Variants in RAB27A observed in about 807,000 individuals in gnomAD.
The protein encoded by RAB27A is ras-related protein Rab-27A.
Under a neutral mutation model 20.8 loss-of-function variants are expected in RAB27A, and 17 were observed. That is an observed-to-expected ratio of 0.82 (90% CI 0.56 to 1.23). The LOEUF is 1.23. RAB27A is among the 50% of genes most tolerant of loss of function. The probability of loss-of-function intolerance (pLI) is 0.00; values close to 1 mark genes in which losing one functional copy is unlikely to be tolerated. For synonymous variants in RAB27A, 85 were observed against 92.8 expected (o/e 0.92, Z 0.48); for missense variants, 277 against 266.7 (o/e 1.04, Z -0.27).
chr15:55,215,157 T>A (rs948099648), intron 6 of RAB27A, among the ~76,000 whole-genome samples: 1 of 152,228 alleles, frequency 6.6e-6, no homozygotes, highest in East Asian at 1.9e-4. Flanking sequence ...TACTTCATTT[T>A]AAAAATTCTC....
intron 2 of RAB27A, among the ~76,000 whole-genome samples, chr15:55,269,615 C>T (rs576767567): frequency 5.9e-5 from 9 of 152,060 alleles, no homozygotes; most frequent in Non-Finnish European, 1.2e-4. Flanking sequence ...GGCATGGTAG[C>T]GTGGGGTCCC....
chr15:55,257,248 T>A (rs1897113972), intron 2 of RAB27A, among the ~76,000 whole-genome samples: 1 of 152,102 alleles, frequency 6.6e-6, no homozygotes, highest in African/African-American at 2.4e-5. Flanking sequence ...GCATGAGAGA[T>A]CATCAAAGCC....
intron 2 of RAB27A, among the ~76,000 whole-genome samples, chr15:55,257,853 C>G (rs1470240680): frequency 2.6e-5 from 4 of 152,044 alleles, no homozygotes; most frequent in African/African-American, 7.2e-5. Context: ...ATTAGCCAGG[C>G]GTGCAGGTGG....
chr15:55,204,367 T>C lies in RAB27A; in HGVS notation c.*1140A>G, dbSNP rs572455639. 7 of 152,322 alleles carry C rather than the reference T, an allele frequency of 4.6e-5. No individual in the cohort carries two copies. The South Asian group carries it at 1.0e-3, about 23-fold the overall frequency. The allele number at this position is 152,322 out of a possible 1,614,324, so 9.4% of individuals were successfully genotyped here. ...ATGCTCATGAGCTCTATGAAAAATA[T>C]AGGCTACAGAATACTTCATTTTTCT... On this transcript the variant is annotated 3_prime_UTR_variant, in exon 7 of 7. Transcript: ENST00000336787.
In RAB27A at chr15:55,258,223, T is replaced by C. The variant is rs368525005; in HGVS notation, c.-23+11942A>G. 1.3e-4 allele frequency among the ~76,000 whole-genome samples: 20 copies of C among 152,252 alleles called. 1 individual carries two copies. Among genetic ancestry groups the C allele is most frequent in the Admixed American group, 7.8e-4 (12 of 15,288 alleles). Reference sequence around the variant, plus strand: ...CTCTTATTACCCTTATCTAATTACTTAATGTCTCTGTGTTTTCCTAGAAGA... The same window carrying C: ...CTCTTATTACCCTTATCTAATTACTCAATGTCTCTGTGTTTTCCTAGAAGA... On this transcript the variant is annotated intron_variant, in intron 2 of 6. Transcript: ENST00000336787.
chr15:55,254,464 CATG>C (rs1424513038), intron 2 of RAB27A, among the ~76,000 whole-genome samples: 6 of 151,910 alleles, frequency 3.9e-5, no homozygotes, highest in African/African-American at 1.4e-4. Context: ...CAGCATACAA[CATG>C]ATAAAATTAT....
intron 1 of RAB27A, among the ~76,000 whole-genome samples, chr15:55,315,737 TAA>T (rs534642968): frequency 9.7e-4 from 148 of 152,206 alleles, no homozygotes; most frequent in African/African-American, 3.4e-3. Context: ...TGGTGATCAT[TAA>T]AAAGTCAGGA....
intron 2 of RAB27A, among the ~76,000 whole-genome samples, chr15:55,260,788 G>T (rs1897243267): frequency 6.6e-6 from 1 of 152,196 alleles, no homozygotes; most frequent in African/African-American, 2.4e-5. Context: ...TGAAAGAGAT[G>T]AATAGGCAGA....
chr15:55,258,576 C>G (rs905887590), intron 2 of RAB27A, among the ~76,000 whole-genome samples: 1 of 152,204 alleles, frequency 6.6e-6, no homozygotes, highest in Non-Finnish European at 1.5e-5. Flanking sequence ...CTGGGCTATA[C>G]CTATGCACAC....
intron 2 of RAB27A, among the ~76,000 whole-genome samples, chr15:55,268,416 G>A (rs1221257141): frequency 6.6e-6 from 1 of 152,204 alleles, no homozygotes; most frequent in Non-Finnish European, 1.5e-5. Context: ...TCTGTAAAAT[G>A]AGAAGAATGG....
chr15:55,295,758 TC>T (rs1287045738), intron 2 of RAB27A, among the ~76,000 whole-genome samples: 9 of 152,158 alleles, frequency 5.9e-5, no homozygotes, highest in Non-Finnish European at 1.2e-4. Context: ...GATGAAACTG[TC>T]TTGGAACTAG....
At chr15:55,225,510 C>G (rs1027551687) in intron 5 of RAB27A, among the ~76,000 whole-genome samples, 1 of 152,206 alleles carries the variant, frequency 6.6e-6, no homozygotes, top group Non-Finnish European at 1.5e-5. Flanking sequence ...TCCAGCTCTA[C>G]TGAATCAGGA....
chr15:55,205,733 A>T, intron 6 of RAB27A, 28 bp from the exon 7 acceptor site: 1 of 1,569,086 alleles, frequency 6.4e-7, no homozygotes, highest in Non-Finnish European at 8.8e-7. Context: ...CTGAGGTAAC[A>T]ACATGTGGAG....
At chr15:55,266,945 T>C (rs905638733) in intron 2 of RAB27A, among the ~76,000 whole-genome samples, 16 of 152,186 alleles carry the variant, frequency 1.1e-4, no homozygotes, top group Admixed American at 9.8e-4. Context: ...GTCATCAACA[T>C]AATAGTATTT....
At chr15:55,256,868 T>C (rs1897098302) in intron 2 of RAB27A, among the ~76,000 whole-genome samples, 1 of 152,182 alleles carries the variant, frequency 6.6e-6, no homozygotes, top group Non-Finnish European at 1.5e-5. Context: ...TGATTCCAGG[T>C]TCAAAGTTCA....
At chr15:55,298,663 TTTC>T (rs568332122) in intron 2 of RAB27A, among the ~76,000 whole-genome samples, 1 of 151,742 alleles carries the variant, frequency 6.6e-6, no homozygotes, top group Non-Finnish European at 1.5e-5. Context: ...TAGGCGGGAG[TTTC>T]TTCTTCCTAA....
At chr15:55,305,737 C>G (rs375776108) in intron 2 of RAB27A, among the ~76,000 whole-genome samples, 1 of 152,182 alleles carries the variant, frequency 6.6e-6, no homozygotes, top group East Asian at 1.9e-4. Context: ...GTCTAAAACT[C>G]TTTGATTTTG....
At chr15:55,251,549 AC>A (rs1378009454) in intron 2 of RAB27A, among the ~76,000 whole-genome samples, 1 of 152,132 alleles carries the variant, frequency 6.6e-6, no homozygotes, top group Non-Finnish European at 1.5e-5. Context: ...AGAAAATATG[AC>A]CAGATTAGTC....
At chr15:55,272,377 T>C (rs2141102492) in intron 1 of RAB27A, among the ~76,000 whole-genome samples, 1 of 152,124 alleles carries the variant, frequency 6.6e-6, no homozygotes, top group East Asian at 1.9e-4. Context: ...CCAGCTTGGG[T>C]GACAGAGTGA....
Sources: gnomAD v4.1 joint callset for allele counts (sites outside exome capture counted in the v4.1 genomes callset) on GRCh38, gnomAD v4.1.1 for gene constraint, MANE v1.5 for transcripts, NCBI Gene and HGNC (gene_info 2026-07-23, HGNC 2026-07-21) for gene names.